The following SMCO2 variants were observed in gnomAD, a reference collection of about 807,000 sequenced individuals.
SMCO2 encodes the protein single-pass membrane and coiled-coil domain-containing protein 2.
SMCO2 carries 25 observed loss-of-function variants against 29.5 expected under a neutral mutation model. The observed-to-expected ratio is 0.85, with a 90% CI of 0.62 to 1.18. SMCO2 has a LOEUF of 1.18. SMCO2 is among the 50% of genes most tolerant of loss of function. The pLI is 0.00. For synonymous variants in SMCO2, 117 were observed against 123.3 expected (o/e 0.95, Z 0.34); for missense variants, 348 against 344.5 (o/e 1.01, Z -0.08).
intron 2 of SMCO2, among the ~76,000 whole-genome samples, chr12:27,471,480 C>T (rs1275704250): frequency 6.6e-6 from 1 of 152,128 alleles, no homozygotes; most frequent in East Asian, 1.9e-4. Flanking sequence ...ATCCCATAGA[C>T]TTGGAACTAC....
intron 4 of SMCO2, among the ~76,000 whole-genome samples, chr12:27,476,810 C>G (rs924963121): frequency 6.6e-6 from 1 of 151,952 alleles, no homozygotes; most frequent in Admixed American, 6.6e-5. Flanking sequence ...TTCAACCACT[C>G]TATATCTTTT....
chr12:27,486,248 T>A (rs1949688232), intron 4 of SMCO2, among the ~76,000 whole-genome samples: 1 of 152,166 alleles, frequency 6.6e-6, no homozygotes, highest in African/African-American at 2.4e-5. Flanking sequence ...TCTGTGCAGC[T>A]CTCTCCTCTT....
At chr12:27,439,737 T>C in the SMCO2 span, among the ~76,000 whole-genome samples, 4 of 151,548 alleles carry the variant, frequency 2.6e-5, no homozygotes, top group African/African-American at 7.3e-5. Context: ...AACAGCAAAA[T>C]GAACCAAGCA....
chr12:27,482,664 T>A (rs1204335293), intron 4 of SMCO2, among the ~76,000 whole-genome samples: 1 of 152,240 alleles, frequency 6.6e-6, no homozygotes, highest in African/African-American at 2.4e-5. Flanking sequence ...CAGATACCGT[T>A]CTCTTACTGA....
chr12:27,435,289 CCCCCCCCCCCCCCG>C, the SMCO2 span, among the ~76,000 whole-genome samples: 1 of 18,452 alleles, frequency 5.4e-5, no homozygotes, highest in African/African-American at 1.5e-4. Flanking sequence ...AGAACCCCCC[CCCCCCCCCCCCCCG>C]GCAATTGTGA....
At chr12:27,471,142 T>C (rs1486800457) in intron 2 of SMCO2, among the ~76,000 whole-genome samples, 1 of 152,190 alleles carries the variant, frequency 6.6e-6, no homozygotes, top group Non-Finnish European at 1.5e-5. Context: ...AGTACGTGTT[T>C]AAAATGCATA....
At chr12:27,451,575 A>G in the SMCO2 span, among the ~76,000 whole-genome samples, 2 of 152,222 alleles carry the variant, frequency 1.3e-5, no homozygotes, top group East Asian at 1.9e-4. Flanking sequence ...TATTTTCTCC[A>G]CAAAGCACCT....
In SMCO2 at chr12:27,496,105, C is replaced by A. The variant is rs1220461937; in HGVS notation, c.683+250C>A. Among the ~76,000 whole-genome samples, 7 of 149,866 alleles carry A rather than the reference C, an allele frequency of 4.7e-5. 1 individual carries two copies. Among genetic ancestry groups the A allele is most frequent in the African/African-American group, 1.5e-4 (6 of 39,866 alleles). On this transcript the variant is annotated intron_variant, in intron 7 of 7. Coordinates refer to ENST00000298876, the Ensembl canonical transcript of SMCO2. ...GCTTCAGATAAATCTAAAGATTTAT[C>A]TTTAGATAAATATATCTAAATATAG... is the stretch of plus-strand genomic sequence containing the variant.
chr12:27,473,240 T>C (rs1949556769), intron 3 of SMCO2: 1 of 204,536 alleles, frequency 4.9e-6, no homozygotes, highest in Admixed American at 5.4e-5. Flanking sequence ...ACAGATTATC[T>C]TCCAGTAGAA....
the SMCO2 span, among the ~76,000 whole-genome samples, chr12:27,458,183 AAATT>A: frequency 2.6e-5 from 4 of 152,170 alleles, no homozygotes; most frequent in African/African-American, 9.6e-5. Flanking sequence ...TTCTATTTAT[AAATT>A]AATTTTTATT....
chr12:27,426,246 T>C, the SMCO2 span, among the ~76,000 whole-genome samples: 1 of 152,208 alleles, frequency 6.6e-6, no homozygotes, highest in Admixed American at 6.5e-5. Context: ...ATGGGAAATG[T>C]TGAAGCAAAA....
At chr12:27,471,553 T>C (rs1949541669) in intron 2 of SMCO2, among the ~76,000 whole-genome samples, 1 of 152,122 alleles carries the variant, frequency 6.6e-6, no homozygotes, top group Non-Finnish European at 1.5e-5. Flanking sequence ...AGGGAACATA[T>C]AGGCTCTCTC....
upstream of SMCO2, chr12:27,466,787 A>G (rs1318183913): frequency 6.6e-6 from 1 of 152,360 alleles, no homozygotes; most frequent in Non-Finnish European, 1.5e-5. Flanking sequence ...AATGTTATAA[A>G]GGGAAAGTCC....
chr12:27,464,803 C>T (rs1014055998), upstream of SMCO2, among the ~76,000 whole-genome samples: 6 of 148,312 alleles, frequency 4.0e-5, no homozygotes, highest in Non-Finnish European at 5.9e-5. Context: ...GGGTGGATCA[C>T]GAGGTCGGGA....
intron 1 of SMCO2, chr12:27,467,107 C>T (rs1366761937): frequency 1.3e-5 from 2 of 152,118 alleles, no homozygotes; most frequent in African/African-American, 2.4e-5. Context: ...GTAGCAGGAA[C>T]CAAGAGGGTA....
At chr12:27,490,387 G>T (rs1468061141) in intron 5 of SMCO2, among the ~76,000 whole-genome samples, 2 of 152,188 alleles carry the variant, frequency 1.3e-5, no homozygotes, top group South Asian at 2.1e-4. Context: ...TGACAAAGGG[G>T]TATAAGGAAA....
chr12:27,456,965 AT>A, the SMCO2 span, among the ~76,000 whole-genome samples: 2 of 152,194 alleles, frequency 1.3e-5, no homozygotes, highest in Admixed American at 6.5e-5. Context: ...CATGTGAGGG[AT>A]CTAGGTTGTA....
At chr12:27,433,715 T>C in the SMCO2 span, among the ~76,000 whole-genome samples, 3 of 152,256 alleles carry the variant, frequency 2.0e-5, no homozygotes, top group African/African-American at 7.2e-5. Context: ...AGCTGGTGTT[T>C]TACACAAATG....
the SMCO2 span, among the ~76,000 whole-genome samples, chr12:27,453,200 G>A: frequency 6.6e-6 from 1 of 152,200 alleles, no homozygotes; most frequent in East Asian, 1.9e-4. Flanking sequence ...AATTGGCTAG[G>A]TGGGAAGACA....
Sources: gnomAD v4.1 joint callset for allele counts (sites outside exome capture counted in the v4.1 genomes callset) on GRCh38, gnomAD v4.1.1 for gene constraint, MANE v1.5 for transcripts, NCBI Gene and HGNC (gene_info 2026-07-23, HGNC 2026-07-21) for gene names.